Variants in SPTA1 observed in about 807,000 individuals in gnomAD.
SPTA1 encodes the protein spectrin alpha chain, erythrocytic 1.
SPTA1 carries 177 observed loss-of-function variants against 324.7 expected under a neutral mutation model. That is an observed-to-expected ratio of 0.55 (90% CI 0.48 to 0.62). SPTA1 has a LOEUF of 0.62. SPTA1 is among the 20% of genes least tolerant of loss of function. The pLI is 0.00. For missense variants in SPTA1, 3,162 were observed against 2,883.6 expected, an observed-to-expected ratio of 1.10 and a Z score of -2.21; for synonymous variants, 1,195 against 1,041.3, an observed-to-expected ratio of 1.15 and a Z score of -2.84.
chr1:158,672,324 T>A (rs1393354860), intron 10 of SPTA1, 128 bp from the exon 11 acceptor site: 13 of 979,746 alleles, frequency 1.3e-5, no homozygotes, highest in Non-Finnish European at 2.0e-5. Context: ...CTTTTAAGAT[T>A]CCAACTTTTA....
chr1:158,652,379 T>A, intron 23 of SPTA1, 88 bp downstream of exon 23: 1 of 1,444,492 alleles, frequency 6.9e-7, no homozygotes, highest in Non-Finnish European at 9.7e-7. Context: ...ATTTAACAAG[T>A]GTGAAATAAA....
intron 20 of SPTA1, 22 bp from the exon 21 acceptor site, chr1:158,654,770 G>A: frequency 1.9e-6 from 3 of 1,612,432 alleles, no homozygotes; most frequent in Non-Finnish European, 2.5e-6. Flanking sequence ...CAGGAAGCAG[G>A]TGTCAGTCAC....
chr1:158,669,373 G>A (rs1653836440), intron 14 of SPTA1, 35 bp downstream of exon 14: 1 of 1,613,566 alleles, frequency 6.2e-7, no homozygotes, highest in African/African-American at 1.3e-5. Context: ...AGGAACTCCT[G>A]ATAACTACAT....
chr1:158,637,379 G>A (rs956097626), intron 36 of SPTA1, among the ~76,000 whole-genome samples: 3 of 152,196 alleles, frequency 2.0e-5, no homozygotes, highest in African/African-American at 7.2e-5. Flanking sequence ...TAATCAAGCA[G>A]CTTTGTAGAA....
intron 39 of SPTA1, among the ~76,000 whole-genome samples, chr1:158,629,428 T>G (rs1650535530): frequency 6.6e-6 from 1 of 151,530 alleles, no homozygotes; most frequent in South Asian, 2.1e-4. Flanking sequence ...CAAAAAAAGA[T>G]AGAACTAAAT....
At chr1:158,657,734 G>T in intron 18 of SPTA1, 40 bp from the exon 19 acceptor site, 1 of 1,585,090 alleles carries the variant, frequency 6.3e-7, no homozygotes, top group Non-Finnish European at 8.7e-7. Flanking sequence ...TGATCCTCAT[G>T]AGTGTTTACC....
chr1:158,661,405 C>T lies in SPTA1; in HGVS notation c.2469G>A (p.Lys823=), dbSNP rs756795170. ...EPSATSTYLG[K]DLIASKKLLN... The stretch of plus-strand genomic sequence containing the variant: ...GAAGCTTTTTGGAAGCAATCAGGTC[C>T]TTTCCTGCAGAGGAAAGGAATTTCA... The change falls in exon 18 of 52, where the codon AAG becomes AAA. Residue 823 remains lysine, a synonymous_variant. Transcript: ENST00000643759. 1.6e-5 allele frequency: 26 copies of T among 1,613,842 alleles called. No homozygotes were observed. The highest frequency in any genetic ancestry group is 2.1e-5 in the Non-Finnish European group (25 of 1,179,826).
rs768354923 is a variant in SPTA1, at chr1:158,654,561, T to C, written c.3036+50A>G. ...GAATATCTGGCAGGATTGGGAGAGATGGTTCTGAAAGAGCCACTTTTTGAT... is the reference window on the plus strand; with the variant it reads ...GAATATCTGGCAGGATTGGGAGAGACGGTTCTGAAAGAGCCACTTTTTGAT... On this transcript the variant is annotated intron_variant, in intron 21 of 51. Coordinates refer to ENST00000643759, the MANE Select transcript of SPTA1 (RefSeq NM_003126.4). 6.8e-6 allele frequency: 11 copies of C among 1,612,936 alleles called. No homozygotes were observed. In the South Asian group the frequency reaches 1.1e-4, roughly 16 times the overall value.
chr1:158,658,662 A>G (rs1239137518), intron 18 of SPTA1, among the ~76,000 whole-genome samples: 1 of 152,184 alleles, frequency 6.6e-6, no homozygotes, highest in Non-Finnish European at 1.5e-5. Flanking sequence ...ACCGAGCTGA[A>G]TAAACAAGGA....
chr1:158,685,399 T>C, intron 1 of SPTA1, 52 bp from the exon 2 acceptor site: 1 of 1,604,680 alleles, frequency 6.2e-7, no homozygotes, highest in African/African-American at 1.3e-5. Flanking sequence ...ATTTAACATG[T>C]TGCCCCGCTT....
chr1:158,611,388 G>C lies in SPTA1; in HGVS notation c.7136C>G (p.Ala2379Gly). The C allele has an allele frequency of 6.2e-7, 1 of 1,613,516 alleles. No individual in the cohort carries two copies. The highest frequency in any genetic ancestry group is 8.5e-7 in the Non-Finnish European group (1 of 1,179,598). The change falls in exon 52 of 52, where the codon GCC becomes GGC. Residue 2379 changes from alanine (A) to glycine (G), a missense_variant and splice_region_variant. Ala to Gly is a moderately conservative substitution (Grantham distance 60). Coordinates refer to ENST00000643759, the MANE Select transcript of SPTA1 (RefSeq NM_003126.4). Reference protein sequence around the residue: ...SYITKEDMKQALTPEQVSFCA... With the variant: ...SYITKEDMKQGLTPEQVSFCA... Reference sequence around the variant, plus strand: ...GAATGACACTTGCTCTGGGGTAAGGGCCTGAAAAGTATAAAAAGAGAAAAA... The same window carrying C: ...GAATGACACTTGCTCTGGGGTAAGGCCCTGAAAAGTATAAAAAGAGAAAAA...
chr1:158,630,570 C>T (rs1650603231), intron 39 of SPTA1, among the ~76,000 whole-genome samples: 1 of 151,872 alleles, frequency 6.6e-6, no homozygotes, highest in Admixed American at 6.6e-5. Flanking sequence ...CTTCATGATA[C>T]TGGTCTTGGC....
chr1:158,637,466 T>G (rs1401134379), intron 36 of SPTA1, among the ~76,000 whole-genome samples: 1 of 152,212 alleles, frequency 6.6e-6, no homozygotes, highest in Non-Finnish European at 1.5e-5. Context: ...AATCATATTT[T>G]ACAACAAAAA....
intron 16 of SPTA1, among the ~76,000 whole-genome samples, chr1:158,663,975 A>C (rs1319675028): frequency 6.6e-6 from 1 of 152,202 alleles, no homozygotes. Context: ...ATGGCTCCTC[A>C]ATTTGGAAAA....
At chr1:158,621,595 AAAG>A (rs778055765) in intron 43 of SPTA1, among the ~76,000 whole-genome samples, 9 of 152,372 alleles carry the variant, frequency 5.9e-5, no homozygotes, top group East Asian at 3.9e-4. Context: ...ATTATTTTAA[AAAG>A]AAGATTAAAA....
rs146720073 is a variant in SPTA1, at chr1:158,667,605, C to T, written c.2038+253G>A. Among the ~76,000 whole-genome samples, 1,051 of 152,228 alleles carry T rather than the reference C, an allele frequency of 6.9e-3. 15 individuals carry two copies. Among genetic ancestry groups the T allele is most frequent in the Non-Finnish European group, 6.7e-3 (456 of 68,010 alleles). ...GAGGAAAACAAAAGCAATTTCAGCT[C>T]ACCTGCCACTGCTAAAAAATTTTTT... On this transcript the variant is annotated intron_variant, in intron 15 of 51. Transcript: ENST00000643759.
intron 45 of SPTA1, among the ~76,000 whole-genome samples, chr1:158,618,863 A>T (rs184583510): frequency 3.3e-4 from 50 of 152,326 alleles, no homozygotes; most frequent in Non-Finnish European, 5.3e-4. Flanking sequence ...TTGCTCCGAC[A>T]GTTAAGTGAG....
At position 158,634,666 on chromosome 1, in the gene SPTA1, C is replaced by A; in HGVS notation, c.5442G>T (p.Lys1814Asn). The change falls in exon 39 of 52, where the codon AAG (lysine) becomes AAT (asparagine). Residue 1814 changes from lysine to asparagine, a missense_variant. By Grantham distance (94) the Lys-to-Asn change is moderately conservative. Coordinates refer to ENST00000643759, the MANE Select transcript of SPTA1 (RefSeq NM_003126.4). ...GCAAGTATTCTAGGGATTCTTCCAA[C>A]TTAAGTCCTCTATAACAAGGTGGCA... The part of the protein sequence containing the change: ...LKELAKARGL[K>N]LEESLEYLQF... 6.2e-7 allele frequency: 1 copy of A among 1,614,112 alleles called. No homozygotes were observed. Among genetic ancestry groups the A allele is most frequent in the Non-Finnish European group, 8.5e-7 (1 of 1,180,026 alleles).
intron 23 of SPTA1, 135 bp downstream of exon 23, chr1:158,652,332 T>C: frequency 1.1e-5 from 11 of 975,832 alleles, no homozygotes; most frequent in Non-Finnish European, 1.7e-5. Flanking sequence ...TAGAGGGAGA[T>C]CTCAGCCACA....
Sources: gnomAD v4.1 joint callset for allele counts (sites outside exome capture counted in the v4.1 genomes callset) on GRCh38, gnomAD v4.1.1 for gene constraint, MANE v1.5 for transcripts, NCBI Gene and HGNC (gene_info 2026-07-23, HGNC 2026-07-21) for gene names.